MAN2A1: variants seen among roughly 807,000 people sequenced by gnomAD.
The protein encoded by MAN2A1 is alpha-mannosidase 2.
MAN2A1 carries 76 observed loss-of-function variants against 142.6 expected under a neutral mutation model. That is an observed-to-expected ratio of 0.53 (90% CI 0.44 to 0.65). The LOEUF (loss-of-function observed/expected upper bound fraction) is 0.65, where lower values mean the gene tolerates loss of function less well. MAN2A1 is among the 30% of genes least tolerant of loss of function. MAN2A1 has a pLI of 0.00. For synonymous variants in MAN2A1, 559 were observed against 473.2 expected (o/e 1.18, Z -2.35); for missense variants, 1,311 against 1,365.1 (o/e 0.96, Z 0.62).
intron 4 of MAN2A1, among the ~76,000 whole-genome samples, chr5:109,754,118 C>G (rs958836654): frequency 1.3e-5 from 2 of 151,922 alleles, no homozygotes; most frequent in Non-Finnish European, 1.5e-5. Context: ...CCTTATGTTG[C>G]CCAGGCTGGT....
chr5:109,770,335 G>C lies in MAN2A1; in HGVS notation c.1010-20G>C, dbSNP rs748808892. ...ACAGATTTTATAAATGCAGGTTTGT[G>C]TGTTGGCTCTTTATTTTAGATCTGG... On this transcript the variant is annotated intron_variant, in intron 6 of 21. Transcript: ENST00000261483. The C allele has an allele frequency of 1.2e-6, 2 of 1,604,216 alleles. No homozygotes were observed. Among genetic ancestry groups the C allele is most frequent in the South Asian group, 2.2e-5 (2 of 90,264 alleles).
intron 14 of MAN2A1, 116 bp from the exon 15 acceptor site, chr5:109,820,104 G>C: frequency 1.1e-6 from 1 of 950,292 alleles, no homozygotes; most frequent in Non-Finnish European, 1.5e-6. Flanking sequence ...TGTGTCACTG[G>C]TCCACCAGAT....
intron 16 of MAN2A1, among the ~76,000 whole-genome samples, chr5:109,838,838 A>G (rs953186588): frequency 2.0e-5 from 3 of 152,208 alleles, no homozygotes; most frequent in Non-Finnish European, 2.9e-5. Flanking sequence ...TGTTGCCACA[A>G]CAGGGTCTGA....
intron 4 of MAN2A1, among the ~76,000 whole-genome samples, chr5:109,739,066 C>G (rs1561487369): frequency 6.6e-6 from 1 of 152,002 alleles, no homozygotes; most frequent in Admixed American, 6.5e-5. Context: ...GGTCTTGAAC[C>G]CTTGGGCCCA....
At chr5:109,848,201 C>G (rs2112765334) in intron 19 of MAN2A1, among the ~76,000 whole-genome samples, 1 of 152,240 alleles carries the variant, frequency 6.6e-6, no homozygotes, top group Non-Finnish European at 1.5e-5. Context: ...TGTACTTATT[C>G]TAGTCTTAGA....
chr5:109,706,318 A>G lies in MAN2A1; in HGVS notation c.136-7202A>G, dbSNP rs533649608. 2.0e-4 allele frequency among the ~76,000 whole-genome samples: 31 copies of G among 152,342 alleles called. No individual in the cohort carries two copies. The South Asian group carries it at 6.4e-3, about 32-fold the overall frequency. On this transcript the variant is annotated intron_variant, in intron 1 of 21. Transcript: ENST00000261483. ...TATGACACATACTATCTGGAGGTGC[A>G]TATTGTAGTACCCTTCAAAGTGATT... is the stretch of plus-strand genomic sequence containing the variant.
chr5:109,722,286 C>G (rs1461244250), intron 3 of MAN2A1, among the ~76,000 whole-genome samples: 1 of 152,132 alleles, frequency 6.6e-6, no homozygotes, highest in Non-Finnish European at 1.5e-5. Context: ...TCTGATTTAT[C>G]TTAATTGAAA....
intron 15 of MAN2A1, among the ~76,000 whole-genome samples, chr5:109,823,140 T>G (rs1298901807): frequency 6.6e-6 from 1 of 152,220 alleles, no homozygotes; most frequent in Admixed American, 6.5e-5. Flanking sequence ...TTTTAAAATT[T>G]AAATAAAAAC....
intron 17 of MAN2A1, among the ~76,000 whole-genome samples, chr5:109,845,395 C>T (rs1400175045): frequency 6.6e-6 from 1 of 152,018 alleles, no homozygotes; most frequent in African/African-American, 2.4e-5. Context: ...AACATAATAT[C>T]TTAGAAGATT....
intron 4 of MAN2A1, among the ~76,000 whole-genome samples, chr5:109,731,512 T>G (rs1391622000): frequency 1.7e-5 from 1 of 57,340 alleles, no homozygotes; most frequent in Non-Finnish European, 3.1e-5. Flanking sequence ...CCCTCCCCCC[T>G]CCCCCAACCC....
At chr5:109,690,815 C>G (rs1276986719) in intron 1 of MAN2A1, among the ~76,000 whole-genome samples, 1 of 152,132 alleles carries the variant, frequency 6.6e-6, no homozygotes. Context: ...TTCCGGCATT[C>G]GCACCCGGCC....
At chr5:109,776,911 G>A (rs947627694) in intron 8 of MAN2A1, among the ~76,000 whole-genome samples, 3 of 152,040 alleles carry the variant, frequency 2.0e-5, no homozygotes, top group Non-Finnish European at 4.4e-5. Context: ...TTCTGTTGCA[G>A]GTAGCAGTAG....
rs939832981 is a variant in MAN2A1, at chr5:109,765,580, A to G, written c.836-1955A>G. On this transcript the variant is annotated intron_variant, in intron 5 of 21. Transcript: ENST00000261483. ...TTTCTAATTAATATGTGGGAGATAC[A>G]TTGGGAATAAATATTCTATACCTCA... Among the ~76,000 whole-genome samples, 3 of 152,246 alleles carry G rather than the reference A, an allele frequency of 2.0e-5. No individual in the cohort carries two copies. In the South Asian group the frequency reaches 6.2e-4, roughly 32 times the overall value.
chr5:109,734,305 A>G (rs1202660636), intron 4 of MAN2A1, among the ~76,000 whole-genome samples: 4 of 91,918 alleles, frequency 4.4e-5, no homozygotes, highest in Admixed American at 1.1e-4. Context: ...GATCTTTTGA[A>G]AAAAAAAAAA....
intron 4 of MAN2A1, among the ~76,000 whole-genome samples, chr5:109,749,276 G>A (rs1411310273): frequency 6.6e-6 from 1 of 152,054 alleles, no homozygotes; most frequent in Non-Finnish European, 1.5e-5. Flanking sequence ...TTCTACATAG[G>A]GGAAAAAGTG....
rs375505532 is a variant in MAN2A1 at position 109,767,547 on chromosome 5, G to A, written c.848G>A (p.Arg283Gln). Reference sequence around the variant, plus strand: ...TCTTTATCCACAGGAGTGAAACCTCGGTCCGGCTGGGCTATTGATCCCTTT... The same window carrying A: ...TCTTTATCCACAGGAGTGAAACCTCAGTCCGGCTGGGCTATTGATCCCTTT... ...WLENNIGVKP[R>Q]SGWAIDPFGH... Residue 283 changes from arginine to glutamine, a missense_variant, in exon 6 of 22, where the codon CGG (arginine) becomes CAG (glutamine). Transcript: ENST00000261483. The A allele has an allele frequency of 1.8e-5, 29 of 1,611,156 alleles. No homozygotes were observed. The highest frequency in any genetic ancestry group is 1.3e-4 in the Admixed American group (8 of 59,406).
At chr5:109,784,442 G>GT (rs1753544105) in intron 9 of MAN2A1, among the ~76,000 whole-genome samples, 1 of 152,028 alleles carries the variant, frequency 6.6e-6, no homozygotes, top group Non-Finnish European at 1.5e-5. Context: ...TTTTTTCACT[G>GT]TGCTATTCAT....
At chr5:109,719,818 A>C (rs1219093130) in intron 3 of MAN2A1, among the ~76,000 whole-genome samples, 2 of 152,176 alleles carry the variant, frequency 1.3e-5, no homozygotes, top group Non-Finnish European at 2.9e-5. Context: ...AAATTTCAAA[A>C]TATGTTTGTA....
intron 5 of MAN2A1, among the ~76,000 whole-genome samples, chr5:109,762,762 T>C (rs986959525): frequency 2.0e-5 from 3 of 152,182 alleles, no homozygotes; most frequent in African/African-American, 7.2e-5. Context: ...TCCCAAATAG[T>C]GAACACACTT....
Sources: allele counts gnomAD v4.1 joint callset (sites outside exome capture counted in the v4.1 genomes callset), GRCh38; gene constraint gnomAD v4.1.1; transcripts MANE v1.5; gene names NCBI Gene and HGNC (gene_info 2026-07-23, HGNC 2026-07-21).